The following MAPKAP1 variants were observed in gnomAD, a reference collection of about 807,000 sequenced individuals.
MAPKAP1 encodes the protein MAPK associated protein 1.
Under a neutral mutation model 65.7 loss-of-function variants are expected in MAPKAP1, and 20 were observed. The observed-to-expected ratio is 0.30, with a 90% CI of 0.21 to 0.44. The LOEUF (loss-of-function observed/expected upper bound fraction) is 0.44. Ranked by LOEUF, MAPKAP1 falls within the 20% of genes least tolerant of loss-of-function variation. MAPKAP1 has a pLI of 1.00. For synonymous variants in MAPKAP1, 222 were observed against 244.3 expected, an observed-to-expected ratio of 0.91 and a Z score of 0.85; for missense variants, 423 against 648.0, an observed-to-expected ratio of 0.65 and a Z score of 3.77.
chr9:125,495,742 G>A (rs906981207), intron 8 of MAPKAP1, among the ~76,000 whole-genome samples: 6 of 152,222 alleles, frequency 3.9e-5, no homozygotes, highest in African/African-American at 1.4e-4. Context: ...AGTAGCTGTG[G>A]ACAAGGCACA....
intron 4 of MAPKAP1, among the ~76,000 whole-genome samples, chr9:125,592,119 G>C (rs1327780633): frequency 6.6e-6 from 1 of 152,154 alleles, no homozygotes; most frequent in East Asian, 1.9e-4. Flanking sequence ...AAAGTCCACT[G>C]ACATACAATG....
intron 5 of MAPKAP1, among the ~76,000 whole-genome samples, chr9:125,583,313 C>T (rs762835273): frequency 2.6e-5 from 4 of 152,200 alleles, no homozygotes; most frequent in Non-Finnish European, 4.4e-5. Flanking sequence ...GAGATTTTCA[C>T]GACTCCATTT....
intron 7 of MAPKAP1, among the ~76,000 whole-genome samples, chr9:125,531,544 A>G (rs1355446438): frequency 1.3e-5 from 2 of 152,384 alleles, no homozygotes; most frequent in East Asian, 1.9e-4. Flanking sequence ...AGACGAGCTA[A>G]TAACAATAAA....
intron 7 of MAPKAP1, among the ~76,000 whole-genome samples, chr9:125,536,844 T>TG (rs780355782): frequency 6.6e-5 from 10 of 152,220 alleles, no homozygotes; most frequent in Non-Finnish European, 1.3e-4. Flanking sequence ...AAAATATATA[T>TG]GGGTTTCCCT....
intron 5 of MAPKAP1, among the ~76,000 whole-genome samples, chr9:125,577,387 TG>T (rs1831450506): frequency 7.0e-6 from 1 of 142,850 alleles, no homozygotes; most frequent in Non-Finnish European, 1.5e-5. Context: ...GGGAGGGAGG[TG>T]GGGGGTCAGC....
intron 8 of MAPKAP1, among the ~76,000 whole-genome samples, chr9:125,487,834 G>T (rs749451002): frequency 6.6e-6 from 1 of 152,202 alleles, no homozygotes; most frequent in Non-Finnish European, 1.5e-5. Context: ...TCTTACAGAA[G>T]CTACTGAAGA....
intron 3 of MAPKAP1, among the ~76,000 whole-genome samples, chr9:125,662,798 T>C (rs1212886648): frequency 6.6e-6 from 1 of 151,930 alleles, no homozygotes; most frequent in Non-Finnish European, 1.5e-5. Flanking sequence ...TTTTAAATGA[T>C]ATAGAGAATA....
At chr9:125,680,186 G>A (rs569162929) in intron 1 of MAPKAP1, among the ~76,000 whole-genome samples, 1 of 151,200 alleles carries the variant, frequency 6.6e-6, no homozygotes. Flanking sequence ...GTCCTTAAAC[G>A]TGTCATAGGA....
intron 4 of MAPKAP1, among the ~76,000 whole-genome samples, chr9:125,635,811 T>C (rs1833406877): frequency 1.3e-5 from 2 of 152,242 alleles, no homozygotes; most frequent in African/African-American, 2.4e-5. Context: ...TTCTTTATTG[T>C]CATTTGCATA....
At chr9:125,540,252 C>T (rs1395610884) in intron 7 of MAPKAP1, among the ~76,000 whole-genome samples, 1 of 152,138 alleles carries the variant, frequency 6.6e-6, no homozygotes. Flanking sequence ...GACTGAAGGA[C>T]AAGAGAGCAA....
intron 5 of MAPKAP1, among the ~76,000 whole-genome samples, chr9:125,577,887 G>A (rs1180522261): frequency 1.1e-4 from 16 of 150,818 alleles, no homozygotes; most frequent in South Asian, 2.1e-4. Context: ...CCTACTGGGA[G>A]GTGAGGAGCC....
intron 6 of MAPKAP1, among the ~76,000 whole-genome samples, chr9:125,548,207 C>T (rs1354506702): frequency 6.6e-6 from 1 of 152,186 alleles, no homozygotes; most frequent in Non-Finnish European, 1.5e-5. Flanking sequence ...ATTCAGAAAT[C>T]AACAATGTGG....
chr9:125,655,940 G>A (rs931958352), intron 4 of MAPKAP1, among the ~76,000 whole-genome samples: 1 of 152,082 alleles, frequency 6.6e-6, no homozygotes, highest in Non-Finnish European at 1.5e-5. Context: ...TTATTTTCCC[G>A]CTGGTACTTC....
chr9:125,631,607 G>A (rs532918408), intron 4 of MAPKAP1, among the ~76,000 whole-genome samples: 2 of 152,286 alleles, frequency 1.3e-5, no homozygotes, highest in Admixed American at 1.3e-4. Flanking sequence ...CAGCCATGGT[G>A]ATTTATTCAG....
At chr9:125,501,815 T>C (rs1265683771) in intron 8 of MAPKAP1, among the ~76,000 whole-genome samples, 1 of 152,152 alleles carries the variant, frequency 6.6e-6, no homozygotes, top group African/African-American at 2.4e-5. Flanking sequence ...CTTGTATTTA[T>C]TTACAAGACA....
intron 4 of MAPKAP1, among the ~76,000 whole-genome samples, chr9:125,602,581 C>T (rs1187744258): frequency 6.6e-6 from 1 of 152,176 alleles, no homozygotes; most frequent in Admixed American, 6.5e-5. Flanking sequence ...ACAAAGCTGA[C>T]AGTCTCGATG....
At chr9:125,567,768 A>T (rs1055485281) in intron 5 of MAPKAP1, 2 of 152,114 alleles carry the variant, frequency 1.3e-5, no homozygotes, top group Non-Finnish European at 2.9e-5. Context: ...ATAGTGAGAA[A>T]ACCCTGACTC....
chr9:125,638,411 G>A (rs976988378), intron 4 of MAPKAP1, among the ~76,000 whole-genome samples: 1 of 152,242 alleles, frequency 6.6e-6, no homozygotes, highest in African/African-American at 2.4e-5. Context: ...TGGGGAGAGA[G>A]TGGTGAAATA....
intron 9 of MAPKAP1, among the ~76,000 whole-genome samples, chr9:125,480,436 A>G (rs1031283735): frequency 2.0e-5 from 3 of 152,108 alleles, no homozygotes; most frequent in African/African-American, 7.2e-5. Context: ...TTCACAAGTG[A>G]CGCCCCAGCC....
Sources: allele counts gnomAD v4.1 joint callset (sites outside exome capture counted in the v4.1 genomes callset), GRCh38; gene constraint gnomAD v4.1.1; transcripts MANE v1.5; gene names NCBI Gene and HGNC (gene_info 2026-07-23, HGNC 2026-07-21).